Variants in CPNE4 observed in about 807,000 individuals in gnomAD.
CPNE4 encodes copine-4.
Under a neutral mutation model 67.9 loss-of-function variants are expected in CPNE4, and 25 were observed. That is an observed-to-expected ratio of 0.37 (90% CI 0.27 to 0.51). The LOEUF is 0.51. Ranked by LOEUF, CPNE4 falls within the 20% of genes least tolerant of loss-of-function variation. The probability of loss-of-function intolerance (pLI) is 0.93; values close to 1 mark genes in which losing one functional copy is unlikely to be tolerated. For missense variants in CPNE4, 464 were observed against 690.8 expected, an observed-to-expected ratio of 0.67 and a Z score of 3.68; for synonymous variants, 242 against 244.9, an observed-to-expected ratio of 0.99 and a Z score of 0.11.
At chr3:131,897,911 G>A (rs1042600025) in intron 2 of CPNE4, among the ~76,000 whole-genome samples, 23 of 151,528 alleles carry the variant, frequency 1.5e-4, no homozygotes, top group Non-Finnish European at 1.2e-4. Flanking sequence ...AAAAAAAAGA[G>A]GATGGAAAAA....
chr3:131,855,391 G>C (rs1417359673), intron 2 of CPNE4, among the ~76,000 whole-genome samples: 1 of 151,908 alleles, frequency 6.6e-6, no homozygotes, highest in Non-Finnish European at 1.5e-5. Context: ...AAAGCTTAAG[G>C]GTGCCCATCT....
intron 7 of CPNE4, among the ~76,000 whole-genome samples, chr3:131,624,340 T>C (rs75050793): frequency 0.041 from 6,284 of 152,250 alleles, 423 homozygotes; most frequent in African/African-American, 0.14. Flanking sequence ...ACTGCTGATA[T>C]CTGGGTCTGG....
intron 4 of CPNE4, 70 bp downstream of exon 4, chr3:131,699,839 T>C (rs1025835959): frequency 1.6e-6 from 2 of 1,230,204 alleles, no homozygotes; most frequent in African/African-American, 1.5e-5. Context: ...CCCAAGTGTC[T>C]GGTTTGGGCT....
At chr3:131,747,874 C>G (rs550263223) in intron 2 of CPNE4, among the ~76,000 whole-genome samples, 1 of 152,150 alleles carries the variant, frequency 6.6e-6, no homozygotes, top group East Asian at 1.9e-4. Flanking sequence ...TGGCTAGATA[C>G]TCTAGCACAA....
chr3:131,649,518 A>G (rs765083308), intron 7 of CPNE4, among the ~76,000 whole-genome samples: 12 of 152,234 alleles, frequency 7.9e-5, no homozygotes, highest in Non-Finnish European at 1.5e-4. Context: ...AACAATAACA[A>G]CAAAAGGAAG....
intron 2 of CPNE4, among the ~76,000 whole-genome samples, chr3:131,739,970 C>A (rs914391560): frequency 6.6e-6 from 1 of 152,214 alleles, no homozygotes; most frequent in Non-Finnish European, 1.5e-5. Flanking sequence ...TGCCCTAATT[C>A]TTTTTCAAGA....
chr3:131,924,233 G>C (rs574693385), intron 1 of CPNE4, among the ~76,000 whole-genome samples: 6 of 152,210 alleles, frequency 3.9e-5, no homozygotes, highest in African/African-American at 4.8e-5. Flanking sequence ...TCCTTCCCTG[G>C]ATAGGTATTC....
At chr3:131,566,377 A>T (rs1937056940) in intron 10 of CPNE4, among the ~76,000 whole-genome samples, 1 of 151,852 alleles carries the variant, frequency 6.6e-6, no homozygotes, top group Non-Finnish European at 1.5e-5. Flanking sequence ...AGACCAATAA[A>T]GTCCAGTGTC....
chr3:131,777,643 C>T (rs16837826), intron 2 of CPNE4, among the ~76,000 whole-genome samples: 36,209 of 151,890 alleles, frequency 0.24, 4,613 homozygotes, highest in East Asian at 0.31. Context: ...CAATAGCAGC[C>T]ATAGAGACTC....
chr3:131,880,949 A>C (rs2087651083), intron 2 of CPNE4, among the ~76,000 whole-genome samples: 1 of 152,220 alleles, frequency 6.6e-6, no homozygotes, highest in African/African-American at 2.4e-5. Context: ...GCACTCTAAG[A>C]AAAAAGTAGC....
At chr3:131,630,667 T>C (rs759522386) in intron 7 of CPNE4, among the ~76,000 whole-genome samples, 3 of 152,220 alleles carry the variant, frequency 2.0e-5, no homozygotes, top group African/African-American at 4.8e-5. Context: ...AGGAGACATA[T>C]GTGGCTAGGG....
chr3:131,639,302 A>G (rs1223033370), intron 7 of CPNE4, among the ~76,000 whole-genome samples: 3 of 152,148 alleles, frequency 2.0e-5, no homozygotes, highest in Non-Finnish European at 4.4e-5. Flanking sequence ...AGATCCAAAT[A>G]AGCTCAATTA....
At chr3:131,664,363 T>C (rs1582983846) in intron 7 of CPNE4, among the ~76,000 whole-genome samples, 1 of 152,174 alleles carries the variant, frequency 6.6e-6, no homozygotes, top group African/African-American at 2.4e-5. Context: ...TCAAATCAAA[T>C]AAAATGATTA....
chr3:131,886,152 C>T (rs1286051315), intron 2 of CPNE4, among the ~76,000 whole-genome samples: 1 of 152,212 alleles, frequency 6.6e-6, no homozygotes, highest in Admixed American at 6.5e-5. Flanking sequence ...GCCCAGGGTC[C>T]CCAAGCTGAG....
intron 14 of CPNE4, 102 bp from the exon 15 acceptor site, chr3:131,542,895 G>C: frequency 1.3e-6 from 1 of 755,456 alleles, no homozygotes; most frequent in East Asian, 2.5e-5. Context: ...ACTGCACATT[G>C]ACCAAAGCAA....
At chr3:131,711,991 T>G (rs2081569775) in intron 3 of CPNE4, among the ~76,000 whole-genome samples, 1 of 152,196 alleles carries the variant, frequency 6.6e-6, no homozygotes. Flanking sequence ...GACTAACATC[T>G]GCAAATTGAT....
At chr3:131,664,304 T>C (rs1000206816) in intron 7 of CPNE4, among the ~76,000 whole-genome samples, 33 of 152,172 alleles carry the variant, frequency 2.2e-4, no homozygotes, top group African/African-American at 7.7e-4. Context: ...ATTCTGAACA[T>C]CAACATTGCC....
intron 5 of CPNE4, among the ~76,000 whole-genome samples, chr3:131,695,201 T>C (rs6769500): frequency 0.3 from 46,006 of 152,078 alleles, 7,110 homozygotes; most frequent in Middle Eastern, 0.36. Context: ...GGACAAGACA[T>C]AGTCACATTA....
At chr3:131,571,972 T>A (rs182422115) in intron 10 of CPNE4, among the ~76,000 whole-genome samples, 86 of 152,216 alleles carry the variant, frequency 5.6e-4, no homozygotes, top group African/African-American at 1.6e-3. Context: ...GGATGCTTTT[T>A]AAAGCAAAAC....
Sources: allele counts gnomAD v4.1 joint callset (sites outside exome capture counted in the v4.1 genomes callset), GRCh38; gene constraint gnomAD v4.1.1; transcripts MANE v1.5; gene names NCBI Gene and HGNC (gene_info 2026-07-23, HGNC 2026-07-21).